CD300LB: variants seen among roughly 807,000 people sequenced by gnomAD.
CD300LB encodes the protein CMRF35-like molecule 7.
A neutral mutation model predicts 20.8 loss-of-function variants in CD300LB; 18 were observed. The observed-to-expected ratio is 0.87, with a 90% CI of 0.60 to 1.28. CD300LB has a LOEUF of 1.28. Among genes scored for constraint, CD300LB ranks in the 50% most tolerant of loss-of-function variants. The probability of loss-of-function intolerance (pLI) is 0.00; values close to 1 mark genes in which losing one functional copy is unlikely to be tolerated. For missense variants in CD300LB, 222 were observed against 251.8 expected (o/e 0.88, Z 0.80); for synonymous variants, 91 against 91.3 (o/e 1.00, Z 0.02).
intron 1 of CD300LB, among the ~76,000 whole-genome samples, chr17:74,529,545 C>T (rs1908137619): frequency 6.6e-6 from 1 of 152,194 alleles, no homozygotes; most frequent in South Asian, 2.1e-4. Flanking sequence ...TATTCCCGCA[C>T]TTTGGGAGGC....
chr17:74,523,082 C>T, intron 3 of CD300LB, 182 bp from the exon 4 acceptor site: 3 of 608,928 alleles, frequency 4.9e-6, no homozygotes, highest in South Asian at 4.1e-5. Context: ...GTCACCTTGG[C>T]TGGTTTTGCA....
In CD300LB at chr17:74,522,248, T is replaced by C; in HGVS notation, c.*490A>G. On this transcript the variant is annotated 3_prime_UTR_variant, in exon 4 of 4. Coordinates refer to ENST00000392621, the MANE Select transcript of CD300LB (RefSeq NM_174892.4). Reference sequence around the variant, plus strand: ...ATCCCAGAATCACCCTCCTTGTGTGTGGGATCAGAGAGGTTTCCTATGAAC... The same window carrying C: ...ATCCCAGAATCACCCTCCTTGTGTGCGGGATCAGAGAGGTTTCCTATGAAC... 3.0e-6 allele frequency: 3 copies of C among 986,152 alleles called. No homozygotes were observed. The highest frequency in any genetic ancestry group is 3.6e-6 in the Non-Finnish European group (3 of 830,362). The allele number at this position is 986,152 out of a possible 1,614,324, so 61.1% of individuals were successfully genotyped here.
chr17:74,523,678 G>A lies in CD300LB; in HGVS notation c.371-27C>T, dbSNP rs1567998594. On this transcript the variant is annotated intron_variant, in intron 2 of 3. Coordinates refer to ENST00000392621, the MANE Select transcript of CD300LB (RefSeq NM_174892.4). ...TAGACACAGGCAAAGTCAGCCATGG[G>A]TTATTAGCACAGTTGGGAGCTCATG... 1.9e-6 allele frequency: 3 copies of A among 1,542,610 alleles called. No homozygotes were observed. The South Asian group carries it at 3.3e-5, about 17-fold the overall frequency.
chr17:74,527,186 G>A (rs919248244), intron 1 of CD300LB, among the ~76,000 whole-genome samples: 1 of 152,244 alleles, frequency 6.6e-6, no homozygotes, highest in African/African-American at 2.4e-5. Flanking sequence ...GGTGAAAGCT[G>A]AACAGGTTAG....
chr17:74,528,578 GC>G (rs1274979962), intron 1 of CD300LB, among the ~76,000 whole-genome samples: 1 of 151,690 alleles, frequency 6.6e-6, no homozygotes, highest in Non-Finnish European at 1.5e-5. Flanking sequence ...CTCTCCTTCA[GC>G]CCCCGAGCTG....
At chr17:74,523,486 G>C (rs770469135) in intron 3 of CD300LB, 93 bp downstream of exon 3, 1 of 874,340 alleles carries the variant, frequency 1.1e-6, no homozygotes. Flanking sequence ...TAGAACAGGT[G>C]CTGGCATTTG....
intron 1 of CD300LB, among the ~76,000 whole-genome samples, chr17:74,529,445 G>A (rs1908133394): frequency 6.6e-6 from 1 of 152,114 alleles, no homozygotes; most frequent in South Asian, 2.1e-4. Context: ...CCTGAGTTGG[G>A]TACTGAGACT....
rs1907967648 is a variant in CD300LB, at chr17:74,524,299, C to T, written c.371-648G>A. Among the ~76,000 whole-genome samples, 3 of 152,170 alleles carry T rather than the reference C, an allele frequency of 2.0e-5. 1 individual carries two copies. The highest frequency in any genetic ancestry group is 4.1e-4 in the South Asian group (2 of 4,826). On this transcript the variant is annotated intron_variant, in intron 2 of 3. Coordinates refer to ENST00000392621, the MANE Select transcript of CD300LB (RefSeq NM_174892.4). ...GCCCCAGCAAATTTTTCTCAAAGGT[C>T]CCAGGCTGTCCAGGCACGGTGGTTC...
intron 1 of CD300LB, 70 bp from the exon 2 acceptor site, chr17:74,526,147 C>T: frequency 1.3e-6 from 2 of 1,548,108 alleles, no homozygotes; most frequent in Non-Finnish European, 1.7e-6. Flanking sequence ...CTCTCACGGA[C>T]TCTGGGCCTT....
chr17:74,526,822 G>C (rs1227208634), intron 1 of CD300LB, among the ~76,000 whole-genome samples: 1 of 152,202 alleles, frequency 6.6e-6, no homozygotes, highest in African/African-American at 2.4e-5. Flanking sequence ...ACTGGACACA[G>C]AGCTGGGAAA....
chr17:74,530,406 C>T (rs1026118134), intron 1 of CD300LB, among the ~76,000 whole-genome samples: 3 of 152,132 alleles, frequency 2.0e-5, no homozygotes, highest in Non-Finnish European at 4.4e-5. Context: ...CTGAGCCTGG[C>T]GTGGATGGCC....
In CD300LB at chr17:74,523,668, T is replaced by C. The variant is rs775529760; in HGVS notation, c.371-17A>G. 4.4e-6 allele frequency: 7 copies of C among 1,588,162 alleles called. No individual in the cohort carries two copies. On this transcript the variant is annotated splice_polypyrimidine_tract_variant and intron_variant, in intron 2 of 3. Transcript: ENST00000392621. ...CCGCTCCCTCTAGACACAGGCAAAG[T>C]CAGCCATGGGTTATTAGCACAGTTG...
Position 74,525,887 on chromosome 17 carries a change from G to A in CD300LB, c.231C>T (p.Ser77=). 1 of 1,614,064 alleles carries A rather than the reference G, an allele frequency of 6.2e-7. No individual in the cohort carries two copies. Among genetic ancestry groups the A allele is most frequent in the Non-Finnish European group, 8.5e-7 (1 of 1,180,024 alleles). The part of the protein sequence containing the change: ...SEQGEKSDRV[S]IKDNQKDRTF... ...TGCGGTCTTTCTGATTGTCCTTGAT[G>A]GACACACGGTCACTCTTCTCTCCTT... Residue 77 remains serine, a synonymous_variant, in exon 2 of 4, where the codon TCC becomes TCT. Coordinates refer to ENST00000392621, the MANE Select transcript of CD300LB (RefSeq NM_174892.4).
chr17:74,524,865 T>A (rs1486320956), intron 2 of CD300LB, among the ~76,000 whole-genome samples: 1 of 152,186 alleles, frequency 6.6e-6, no homozygotes, highest in Non-Finnish European at 1.5e-5. Context: ...ATATTCTGGG[T>A]TTCCCCTACT....
Position 74,521,256 on chromosome 17 carries a change from G to T in CD300LB, c.*1482C>A. The T allele has an allele frequency of 1.7e-6, 1 of 577,300 alleles. No homozygotes were observed. The highest frequency in any genetic ancestry group is 2.2e-6 in the Non-Finnish European group (1 of 457,248). The allele number at this position is 577,300 out of a possible 1,614,324, so 35.8% of individuals were successfully genotyped here. On this transcript the variant is annotated 3_prime_UTR_variant, in exon 4 of 4. Transcript: ENST00000392621. The stretch of plus-strand genomic sequence containing the variant: ...TGACATCACGTTGACAAGCGCCCAT[G>T]TCCCCTCGCCCCTGAGTCCAGCTGG...
chr17:74,526,108 T>C (rs947729876), intron 1 of CD300LB, 31 bp from the exon 2 acceptor site: 2 of 1,601,436 alleles, frequency 1.2e-6, no homozygotes, highest in Non-Finnish European at 1.7e-6. Context: ...ATACAGCTCA[T>C]TGCACCGGCA....
chr17:74,521,335 G>T lies in CD300LB; in HGVS notation c.*1403C>A. On this transcript the variant is annotated 3_prime_UTR_variant, in exon 4 of 4. Transcript: ENST00000392621. The stretch of plus-strand genomic sequence containing the variant: ...CGCGGAGCGGTGCCGTCCTCCCTGG[G>T]TCTGGTCGGATCTTCGGGAAGCTGG... 2.0e-6 allele frequency: 2 copies of T among 985,298 alleles called. No individual in the cohort carries two copies. The highest frequency in any genetic ancestry group is 2.4e-6 in the Non-Finnish European group (2 of 829,776). The allele number at this position is 985,298 out of a possible 1,614,324, so 61.0% of individuals were successfully genotyped here. A position where few individuals can be genotyped will look rare whatever the true frequency, so the allele number is the denominator to read the frequency against.
chr17:74,521,642 T>C lies in CD300LB; in HGVS notation c.*1096A>G, dbSNP rs924830. The C allele has an allele frequency of 8.1e-6, 8 of 985,084 alleles. No homozygotes were observed. The African/African-American group carries it at 1.1e-4, about 13-fold the overall frequency. The allele number at this position is 985,084 out of a possible 1,614,324, so 61.0% of individuals were successfully genotyped here. A position where few individuals can be genotyped will look rare whatever the true frequency, so the allele number is the denominator to read the frequency against. ...ACTGCTGACAGTCAGTACTCCCTAT[T>C]AGAACCAAGAGCAGGTTGGAGGCGT... is the stretch of plus-strand genomic sequence containing the variant. On this transcript the variant is annotated 3_prime_UTR_variant, in exon 4 of 4. Coordinates refer to ENST00000392621, the MANE Select transcript of CD300LB (RefSeq NM_174892.4).
chr17:74,529,291 G>A (rs1908129079), intron 1 of CD300LB, among the ~76,000 whole-genome samples: 1 of 152,030 alleles, frequency 6.6e-6, no homozygotes. Flanking sequence ...CCCAGCCCCA[G>A]CAGCATCCTC....
Sources: gnomAD v4.1 joint callset for allele counts (sites outside exome capture counted in the v4.1 genomes callset) on GRCh38, gnomAD v4.1.1 for gene constraint, MANE v1.5 for transcripts, NCBI Gene and HGNC (gene_info 2026-07-23, HGNC 2026-07-21) for gene names.